Variants in GRK2 observed in about 807,000 individuals in gnomAD.
GRK2 encodes adrenergic beta receptor kinase 1.
In GRK2, 23 loss-of-function variants were observed where a neutral mutation model predicts 97.8. That is an observed-to-expected ratio of 0.24 (90% CI 0.17 to 0.33). The LOEUF (loss-of-function observed/expected upper bound fraction) is 0.33. Among genes scored for constraint, GRK2 ranks in the 10% least tolerant of loss-of-function variants. The pLI is 1.00. For synonymous variants in GRK2, 425 were observed against 381.7 expected, an observed-to-expected ratio of 1.11 and a Z score of -1.32; for missense variants, 633 against 956.9, an observed-to-expected ratio of 0.66 and a Z score of 4.47.
At chr11:67,267,001 C>T (rs537446782) in intron 1 of GRK2, among the ~76,000 whole-genome samples, 189 bp downstream of exon 1, 1 of 152,068 alleles carries the variant, frequency 6.6e-6, no homozygotes, top group East Asian at 2.0e-4. Context: ...AGCCCCAGAC[C>T]CTGGGCGCCT....
In GRK2 at chr11:67,286,189, G is replaced by A. The variant is rs568346310; in HGVS notation, c.*739G>A. 9 of 543,052 alleles carry A rather than the reference G, an allele frequency of 1.7e-5. No homozygotes were observed. Among genetic ancestry groups the A allele is most frequent in the South Asian group, 4.5e-5 (2 of 44,300 alleles). 33.6% of individuals were successfully genotyped at this position (543,052 alleles called of 1,614,324 possible). On this transcript the variant is annotated 3_prime_UTR_variant, in exon 21 of 21. Coordinates refer to ENST00000308595, the MANE Select transcript of GRK2 (RefSeq NM_001619.5). ...CTGGCCTCGCCTGGCCTGAGGTCTC[G>A]CTGATGCTGGGCTGGGTGCGACCCC...
chr11:67,282,598 C>T lies in GRK2; in HGVS notation c.1160+56C>T. 8 of 1,583,192 alleles carry T rather than the reference C, an allele frequency of 5.1e-6. No individual in the cohort carries two copies. The highest frequency in any genetic ancestry group is 6.1e-6 in the Non-Finnish European group (7 of 1,156,110). On this transcript the variant is annotated intron_variant, in intron 13 of 20. Coordinates refer to ENST00000308595, the MANE Select transcript of GRK2 (RefSeq NM_001619.5). This position sits in a 1 kb window ranked among gnomAD's most constrained non-coding sequence, Gnocchi z 6.9. Reference sequence around the variant, plus strand: ...GTTGGGGCTAAGAGAAGTTCCTCCCCAATCCAGGTGGGATGCCAAAGGAGG... The same window carrying T: ...GTTGGGGCTAAGAGAAGTTCCTCCCTAATCCAGGTGGGATGCCAAAGGAGG...
In GRK2 at chr11:67,266,774, C is replaced by G. The variant is rs1214348829; in HGVS notation, c.75C>G (p.Ala25=). 7.3e-7 allele frequency: 1 copy of G among 1,367,094 alleles called. No homozygotes were observed. Among genetic ancestry groups the G allele is most frequent in the Non-Finnish European group, 9.6e-7 (1 of 1,046,052 alleles). 84.7% of individuals were successfully genotyped at this position (1,367,094 alleles called of 1,614,324 possible). Residue 25 remains alanine (A), a synonymous_variant, in exon 1 of 21, where the codon GCC becomes GCG. Transcript: ENST00000308595. ...MAMEKSKATP[A]ARASKKILLP... ...TGGAGAAGAGCAAGGCCACGCCGGC[C>G]GCGCGCGCCAGCAAGAAGATCCTGC...
intron 2 of GRK2, among the ~76,000 whole-genome samples, chr11:67,277,837 C>T (rs1407851498): frequency 2.0e-5 from 3 of 152,240 alleles, no homozygotes; most frequent in South Asian, 2.1e-4. Context: ...ATGTGACCCA[C>T]CCTGCGGACC....
intron 18 of GRK2, 166 bp from the exon 19 acceptor site, chr11:67,284,681 C>A: frequency 1.0e-6 from 1 of 975,116 alleles, no homozygotes; most frequent in Non-Finnish European, 1.5e-6. Context: ...CCCAGCTACC[C>A]GGGAGGCTGA....
At chr11:67,275,685 G>A (rs1036461020) in intron 1 of GRK2, among the ~76,000 whole-genome samples, 1 of 152,144 alleles carries the variant, frequency 6.6e-6, no homozygotes. Context: ...TGCCCCATTG[G>A]CCCCTTGCTC....
Position 67,281,379 on chromosome 11 carries a change from C to A in GRK2, c.648-80C>A. The A allele has an allele frequency of 7.3e-7, 1 of 1,369,256 alleles. No individual in the cohort carries two copies. The highest frequency in any genetic ancestry group is 1.0e-6 in the Non-Finnish European group (1 of 967,494). The allele number at this position is 1,369,256 out of a possible 1,614,324, so 84.8% of individuals were successfully genotyped here. A position where few individuals can be genotyped will look rare whatever the true frequency, so the allele number is the denominator to read the frequency against. On this transcript the variant is annotated intron_variant, in intron 8 of 20. Transcript: ENST00000308595. The surrounding 1 kb of genome is among the most constrained non-coding windows in gnomAD (Gnocchi z 5.7). Reference sequence around the variant, plus strand: ...GTCACACGCTGGTCCTGGGTCTAGTCTTTCCCTCAAGCGCCCCCTGAGGCA... The same window carrying A: ...GTCACACGCTGGTCCTGGGTCTAGTATTTCCCTCAAGCGCCCCCTGAGGCA...
chr11:67,279,127 C>A, intron 2 of GRK2, 73 bp from the exon 3 acceptor site: 1 of 1,357,476 alleles, frequency 7.4e-7, no homozygotes, highest in Non-Finnish European at 1.1e-6. Flanking sequence ...GGGAGCCCAA[C>A]CCACACCATC....
rs747622479 is a variant in GRK2, at chr11:67,283,163, A to G, written c.1263A>G (p.Leu421=). Residue 421 remains leucine, a synonymous_variant, in exon 15 of 21, where the codon CTA becomes CTG. Coordinates refer to ENST00000308595, the MANE Select transcript of GRK2 (RefSeq NM_001619.5). ...VELPDSFSPE[L]RSLLEGLLQR... is the part of the protein sequence containing the mutation. ...TGCCCGACTCCTTCTCCCCTGAACT[A>G]CGCTCCCTGCTGGAGGGGTTGCTGC... The G allele has an allele frequency of 6.2e-6, 10 of 1,613,724 alleles. No individual in the cohort carries two copies. The highest frequency in any genetic ancestry group is 1.7e-5 in the Admixed American group (1 of 59,996).
At position 67,285,445 on chromosome 11, in the gene GRK2, C is replaced by T. The variant is rs200632343; in HGVS notation, c.2065C>T (p.Leu689Phe). 2.6e-6 allele frequency: 4 copies of T among 1,546,152 alleles called. No individual in the cohort carries two copies. Among genetic ancestry groups the T allele is most frequent in the African/African-American group, 1.4e-5 (1 of 72,420 alleles). ...PLVQRGSANG[L>F] ...GGTCCAGCGCGGCAGTGCCAACGGC[C>T]TCTGACCCGCCCACCCGCCTTTTAT... The change falls in exon 21 of 21, where the codon CTC becomes TTC. Residue 689 changes from leucine (L) to phenylalanine (F), a missense_variant. Physicochemically the swap from Leu to Phe is conservative, Grantham distance 22. Transcript: ENST00000308595.
chr11:67,266,781 G>A lies in GRK2; in HGVS notation c.82G>A (p.Ala28Thr), dbSNP rs910121977. 4 of 1,363,958 alleles carry A rather than the reference G, an allele frequency of 2.9e-6. No homozygotes were observed. Among genetic ancestry groups the A allele is most frequent in the South Asian group, 3.5e-5 (2 of 57,016 alleles). The allele number at this position is 1,363,958 out of a possible 1,614,324, so 84.5% of individuals were successfully genotyped here. ...GAGCAAGGCCACGCCGGCCGCGCGCGCCAGCAAGAAGATCCTGCTGCCCGA... is the reference window on the plus strand; with the variant it reads ...GAGCAAGGCCACGCCGGCCGCGCGCACCAGCAAGAAGATCCTGCTGCCCGA... ...EKSKATPAAR[A>T]SKKILLPEPS... The change falls in exon 1 of 21, where the codon GCC becomes ACC. Residue 28 changes from alanine (A) to threonine (T), a missense_variant. Physicochemically the swap from Ala to Thr is moderately conservative, Grantham distance 58. Coordinates refer to ENST00000308595, the MANE Select transcript of GRK2 (RefSeq NM_001619.5).
chr11:67,281,229 C>T lies in GRK2; in HGVS notation c.647+45C>T. Reference sequence around the variant, plus strand: ...CGGTGGGATACCTCGGGGAGCCGGGCTCCTGGGGGACCCTGACAGGCCGGG... The same window carrying T: ...CGGTGGGATACCTCGGGGAGCCGGGTTCCTGGGGGACCCTGACAGGCCGGG... On this transcript the variant is annotated intron_variant, in intron 8 of 20. Coordinates refer to ENST00000308595, the MANE Select transcript of GRK2 (RefSeq NM_001619.5). The surrounding 1 kb of genome is among the most constrained non-coding windows in gnomAD (Gnocchi z 5.7). 6.5e-7 allele frequency: 1 copy of T among 1,546,020 alleles called. No individual in the cohort carries two copies. The highest frequency in any genetic ancestry group is 8.9e-7 in the Non-Finnish European group (1 of 1,125,690).
chr11:67,270,751 C>A (rs1328522949), intron 1 of GRK2, among the ~76,000 whole-genome samples: 3 of 152,228 alleles, frequency 2.0e-5, no homozygotes, highest in Non-Finnish European at 4.4e-5. Context: ...GGATGTCTTT[C>A]CCGTCTGTTT....
chr11:67,267,796 G>A (rs1338726369), intron 1 of GRK2, among the ~76,000 whole-genome samples: 1 of 152,238 alleles, frequency 6.6e-6, no homozygotes, highest in African/African-American at 2.4e-5. Context: ...GGGTGGCGAG[G>A]ACAGGTGTGG....
chr11:67,270,671 A>G (rs2136489139), intron 1 of GRK2, among the ~76,000 whole-genome samples: 1 of 152,278 alleles, frequency 6.6e-6, no homozygotes, highest in South Asian at 2.1e-4. Context: ...CCTGCAAACA[A>G]GATGATCTTT....
rs1354809034 is a variant in GRK2, at chr11:67,269,417, A to G, written c.113+2605A>G. 1.3e-5 allele frequency among the ~76,000 whole-genome samples: 2 copies of G among 152,162 alleles called. No homozygotes were observed. Among genetic ancestry groups the G allele is most frequent in the Non-Finnish European group, 2.9e-5 (2 of 68,018 alleles). On this transcript the variant is annotated intron_variant, in intron 1 of 20. Coordinates refer to ENST00000308595, the MANE Select transcript of GRK2 (RefSeq NM_001619.5). The surrounding 1 kb of genome is among the most constrained non-coding windows in gnomAD (Gnocchi z 4.1). ...ATGGGGCCTCGGGTTTCTGGACCAC[A>G]CAGGCCAGTGCTGTTTCTTTGCTGT...
chr11:67,269,217 C>T lies in GRK2; in HGVS notation c.113+2405C>T, dbSNP rs1432583997. 6.6e-6 allele frequency among the ~76,000 whole-genome samples: 1 copy of T among 152,106 alleles called. No homozygotes were observed. Among genetic ancestry groups the T allele is most frequent in the African/African-American group, 2.4e-5 (1 of 41,432 alleles). ...CCGCCGCCCCAGTGGTGATCCTGAC[C>T]ATGTTTCATGTTTGCCTGACACTTT... On this transcript the variant is annotated intron_variant, in intron 1 of 20. Coordinates refer to ENST00000308595, the MANE Select transcript of GRK2 (RefSeq NM_001619.5). This position sits in a 1 kb window ranked among gnomAD's most constrained non-coding sequence, Gnocchi z 4.1.
Position 67,284,270 on chromosome 11 carries a change from G to A in GRK2, c.1551G>A (p.Trp517Ter). Residue 517 changes from tryptophan (W) to a stop codon, truncating the protein, a stop_gained, in exon 18 of 21, where the codon TGG becomes TGA. Coordinates refer to ENST00000308595, the MANE Select transcript of GRK2 (RefSeq NM_001619.5). LOFTEE classifies it high-confidence loss of function. ...RNFPLTISER[W>*]QQEVAETVFD... ...TCCCCCTCACCATCTCGGAGCGGTG[G>A]CAGCAGGAGGTGGCAGAGACTGTCT... 6.2e-7 allele frequency: 1 copy of A among 1,613,530 alleles called. No homozygotes were observed. The highest frequency in any genetic ancestry group is 8.5e-7 in the Non-Finnish European group (1 of 1,180,004).
At position 67,279,439 on chromosome 11, in the gene GRK2, G is replaced by A. The variant is rs751653371; in HGVS notation, c.286G>A (p.Glu96Lys). The A allele has an allele frequency of 1.9e-6, 3 of 1,613,304 alleles. No homozygotes were observed. The highest frequency in any genetic ancestry group is 1.7e-6 in the Non-Finnish European group (2 of 1,180,032). The change falls in exon 4 of 21, where the codon GAG becomes AAG. Residue 96 changes from glutamate (E) to lysine (K), a missense_variant. Around this residue, in one of 4 missense-constraint regions of GRK2, gnomAD observed 193 missense variants for 212.2 expected, o/e 0.91. Transcript: ENST00000308595. ...CCAGATCAAGAAGTACGAGAAGCTGGAGACGGAGGAGGAGCGTGTGGCCCG... is the reference window on the plus strand; with the variant it reads ...CCAGATCAAGAAGTACGAGAAGCTGAAGACGGAGGAGGAGCGTGTGGCCCG... Reference protein sequence around the residue: ...YEEIKKYEKLETEEERVARSR... With the variant: ...YEEIKKYEKLKTEEERVARSR...
Sources: allele counts gnomAD v4.1 joint callset (sites outside exome capture counted in the v4.1 genomes callset), GRCh38; gene constraint gnomAD v4.1.1; regional missense constraint gnomAD v4.1.1; non-coding constraint Gnocchi (gnomAD v3.1); transcripts MANE v1.5; gene names NCBI Gene and HGNC (gene_info 2026-07-23, HGNC 2026-07-21).